XKR4: variants seen among roughly 807,000 people sequenced by gnomAD.
XKR4 encodes XK related 4.
In XKR4, 12 loss-of-function variants were observed where a neutral mutation model predicts 53.9. That is an observed-to-expected ratio of 0.22 (90% CI 0.14 to 0.36). The LOEUF (loss-of-function observed/expected upper bound fraction) is 0.36. Among genes scored for constraint, XKR4 ranks in the 10% least tolerant of loss-of-function variants. XKR4 has a pLI of 1.00. For synonymous variants in XKR4, 354 were observed against 362.4 expected (o/e 0.98, Z 0.26); for missense variants, 799 against 859.5 (o/e 0.93, Z 0.88).
chr8:55,111,467 G>A (rs1287049960), intron 1 of XKR4, among the ~76,000 whole-genome samples: 2 of 152,132 alleles, frequency 1.3e-5, no homozygotes, highest in African/African-American at 4.8e-5. Flanking sequence ...GGATATACAA[G>A]GGACTTTCCA....
At chr8:55,182,394 A>G (rs1353390676) in intron 1 of XKR4, among the ~76,000 whole-genome samples, 5 of 152,166 alleles carry the variant, frequency 3.3e-5, no homozygotes, top group African/African-American at 1.2e-4. Context: ...AAGATAATAC[A>G]GATTTTTCTA....
chr8:55,450,233 C>A, intron 2 of XKR4: 1 of 642,500 alleles, frequency 1.6e-6, no homozygotes, highest in Non-Finnish European at 2.8e-6. Context: ...GGAGCGCCTC[C>A]GTCAAACCGT....
intron 2 of XKR4, 28 bp from the exon 3 acceptor site, chr8:55,523,251 GAC>G: frequency 6.5e-7 from 1 of 1,541,148 alleles, no homozygotes; most frequent in Non-Finnish European, 8.8e-7. Flanking sequence ...ACTGATTTCT[GAC>G]ACACTGTCTT....
intron 1 of XKR4, among the ~76,000 whole-genome samples, chr8:55,273,309 G>A (rs1290675706): frequency 2.0e-5 from 3 of 152,108 alleles, no homozygotes; most frequent in Non-Finnish European, 4.4e-5. Flanking sequence ...ACTCCATCTT[G>A]CTTCTAACCT....
At position 55,524,023 on chromosome 8, in the gene XKR4, A is replaced by G; in HGVS notation, c.1749A>G (p.Pro583=). 1 of 1,614,054 alleles carries G rather than the reference A, an allele frequency of 6.2e-7. No homozygotes were observed. The highest frequency in any genetic ancestry group is 8.5e-7 in the Non-Finnish European group (1 of 1,180,014). ...FQVRPTAPST[P]SSRPPRIEES... ...TGAGGCCCACTGCCCCATCCACCCC[A>G]TCATCTCGCCCACCACGGATTGAAG... is the stretch of plus-strand genomic sequence containing the variant. Residue 583 remains proline, a synonymous_variant, in exon 3 of 3, where the codon CCA becomes CCG. Transcript: ENST00000327381.
chr8:55,245,418 T>C (rs1005450910), intron 1 of XKR4, among the ~76,000 whole-genome samples: 9 of 152,066 alleles, frequency 5.9e-5, no homozygotes, highest in Admixed American at 5.2e-4. Flanking sequence ...TAATCCTATA[T>C]TAATATAATA....
At chr8:55,178,691 A>C (rs1817266083) in intron 1 of XKR4, among the ~76,000 whole-genome samples, 1 of 152,218 alleles carries the variant, frequency 6.6e-6, no homozygotes, top group African/African-American at 2.4e-5. Context: ...GTGTGACCTC[A>C]GAAAATTAAC....
intron 2 of XKR4, among the ~76,000 whole-genome samples, chr8:55,369,709 GT>G (rs1288455913): frequency 6.6e-6 from 1 of 151,914 alleles, no homozygotes; most frequent in African/African-American, 2.4e-5. Flanking sequence ...TTGGATACCA[GT>G]TTGTGTCCTT....
intron 2 of XKR4, among the ~76,000 whole-genome samples, chr8:55,516,174 T>G (rs1806710644): frequency 6.6e-6 from 1 of 152,196 alleles, no homozygotes; most frequent in South Asian, 2.1e-4. Context: ...CAACAAATGC[T>G]TGTTCCTTCT....
intron 1 of XKR4, among the ~76,000 whole-genome samples, chr8:55,217,241 C>CA (rs35294638): frequency 0.19 from 20,530 of 105,924 alleles, 2,382 homozygotes; most frequent in Non-Finnish European, 0.22. Context: ...GACTCTGTCT[C>CA]AAAAAAAAAA....
rs1585583055 is a variant in XKR4, at chr8:55,454,976, G to A, written c.1007-68305G>A. On this transcript the variant is annotated intron_variant, in intron 2 of 2. Coordinates refer to ENST00000327381, the MANE Select transcript of XKR4 (RefSeq NM_052898.2). ...AAAGAAGGTCGGTGGATTCCTCTCGGGACACATCTGCCACCCGCTGGACTG... is the reference window on the plus strand; with the variant it reads ...AAAGAAGGTCGGTGGATTCCTCTCGAGACACATCTGCCACCCGCTGGACTG... 14 of 857,012 alleles carry A rather than the reference G, an allele frequency of 1.6e-5. No homozygotes were observed. The East Asian group carries it at 3.2e-4, about 19-fold the overall frequency. 53.1% of individuals were successfully genotyped at this position (857,012 alleles called of 1,614,324 possible). A position where few individuals can be genotyped will look rare whatever the true frequency, so the allele number is the denominator to read the frequency against.
At chr8:55,225,714 C>A (rs907060922) in intron 1 of XKR4, among the ~76,000 whole-genome samples, 2 of 152,206 alleles carry the variant, frequency 1.3e-5, no homozygotes, top group African/African-American at 2.4e-5. Context: ...TGTTTGAATG[C>A]AATGAGTGGT....
intron 1 of XKR4, among the ~76,000 whole-genome samples, chr8:55,105,961 C>T (rs559402226): frequency 1.3e-5 from 2 of 152,274 alleles, no homozygotes; most frequent in East Asian, 1.9e-4. Context: ...TTCTATTAGA[C>T]TCACTATGAT....
intron 1 of XKR4, among the ~76,000 whole-genome samples, chr8:55,146,240 G>C (rs1816771785): frequency 2.0e-5 from 3 of 152,196 alleles, no homozygotes; most frequent in Admixed American, 2.0e-4. Flanking sequence ...GACTGCCTGG[G>C]AACCTTCCTA....
intron 1 of XKR4, among the ~76,000 whole-genome samples, chr8:55,265,132 T>C (rs1233283114): frequency 6.6e-6 from 1 of 152,232 alleles, no homozygotes; most frequent in Non-Finnish European, 1.5e-5. Context: ...GGAGAAGCTA[T>C]TGAAGCTAGT....
At chr8:55,173,825 G>T (rs1217108379) in intron 1 of XKR4, among the ~76,000 whole-genome samples, 1 of 152,174 alleles carries the variant, frequency 6.6e-6, no homozygotes, top group African/African-American at 2.4e-5. Context: ...CACAAGGGAA[G>T]GTTATGCCTC....
At chr8:55,471,158 G>T (rs578052754) in intron 2 of XKR4, among the ~76,000 whole-genome samples, 2 of 152,248 alleles carry the variant, frequency 1.3e-5, no homozygotes, top group South Asian at 4.1e-4. Context: ...GTACCTACGT[G>T]TCTGGTGGCA....
chr8:55,120,900 A>T (rs1435541777), intron 1 of XKR4, among the ~76,000 whole-genome samples: 1 of 152,156 alleles, frequency 6.6e-6, no homozygotes, highest in South Asian at 2.1e-4. Flanking sequence ...ACTCCTGGCA[A>T]TGACTGGTGT....
chr8:55,320,191 C>T (rs1485971719), intron 1 of XKR4, among the ~76,000 whole-genome samples: 1 of 152,174 alleles, frequency 6.6e-6, no homozygotes, highest in Non-Finnish European at 1.5e-5. Context: ...AAGCAGTGCT[C>T]TAACAGTGCA....
Sources: allele counts gnomAD v4.1 joint callset (sites outside exome capture counted in the v4.1 genomes callset), GRCh38; gene constraint gnomAD v4.1.1; transcripts MANE v1.5; gene names NCBI Gene and HGNC (gene_info 2026-07-23, HGNC 2026-07-21).